The following PHF20 variants were observed in gnomAD, a reference collection of about 807,000 sequenced individuals.
PHF20 encodes glioma-expressed antigen 2.
A neutral mutation model predicts 113.5 loss-of-function variants in PHF20; 23 were observed. That is an observed-to-expected ratio of 0.20 (90% confidence interval 0.15 to 0.29). PHF20 has a LOEUF of 0.29. Ranked by LOEUF, PHF20 falls within the 10% of genes least tolerant of loss-of-function variation. The probability of loss-of-function intolerance (pLI) is 1.00; values close to 1 mark genes in which losing one functional copy is unlikely to be tolerated. For synonymous variants in PHF20, 434 were observed against 457.3 expected, an observed-to-expected ratio of 0.95 and a Z score of 0.65; for missense variants, 943 against 1,219.6, an observed-to-expected ratio of 0.77 and a Z score of 3.38.
chr20:35,827,575 G>A (rs960757059), intron 2 of PHF20, among the ~76,000 whole-genome samples: 1 of 151,982 alleles, frequency 6.6e-6, no homozygotes, highest in African/African-American at 2.4e-5. Flanking sequence ...ATGAGGTCAG[G>A]AGATCGAGAC....
chr20:35,904,313 C>T (rs1342283675), intron 10 of PHF20, among the ~76,000 whole-genome samples: 1 of 114,522 alleles, frequency 8.7e-6, no homozygotes, highest in Non-Finnish European at 1.7e-5. Flanking sequence ...GAGACAGAAT[C>T]TCACTCTGTT....
At chr20:35,908,162 C>T (rs758859732) in intron 10 of PHF20, among the ~76,000 whole-genome samples, 3 of 152,228 alleles carry the variant, frequency 2.0e-5, no homozygotes, top group Non-Finnish European at 4.4e-5. Context: ...GTGCCTGTCC[C>T]AGGCCCTGGA....
chr20:35,795,288 T>A (rs1447623100), intron 1 of PHF20, among the ~76,000 whole-genome samples: 9 of 151,604 alleles, frequency 5.9e-5, no homozygotes, highest in Non-Finnish European at 1.3e-4. Flanking sequence ...TGGGCTAGAG[T>A]GCAGTGGTGC....
chr20:35,868,985 G>A (rs942791919), intron 6 of PHF20, among the ~76,000 whole-genome samples: 3 of 151,968 alleles, frequency 2.0e-5, no homozygotes, highest in East Asian at 1.9e-4. Context: ...CACCTACTCC[G>A]GAGGCTGAGG....
chr20:35,846,505 A>T (rs1163582993), intron 3 of PHF20, among the ~76,000 whole-genome samples: 1 of 152,170 alleles, frequency 6.6e-6, no homozygotes, highest in Non-Finnish European at 1.5e-5. Flanking sequence ...TGCTGGGAAA[A>T]GAGTATAAAA....
chr20:35,811,863 C>T (rs948308230), intron 2 of PHF20, among the ~76,000 whole-genome samples: 15 of 152,186 alleles, frequency 9.9e-5, no homozygotes, highest in African/African-American at 2.6e-4. Context: ...CTCTGCCTCC[C>T]GGGTTCCCAC....
chr20:35,794,917 C>T (rs537864141), intron 1 of PHF20, among the ~76,000 whole-genome samples: 118 of 152,146 alleles, frequency 7.8e-4, no homozygotes, highest in African/African-American at 2.6e-3. Context: ...AAAATATGGG[C>T]GTGGTGGCTC....
At chr20:35,863,471 G>A in intron 6 of PHF20, 71 bp downstream of exon 6, 1 of 1,400,830 alleles carries the variant, frequency 7.1e-7, no homozygotes, top group South Asian at 1.5e-5. Context: ...GTGGTTCTTT[G>A]TAACTTGTGT....
intron 4 of PHF20, among the ~76,000 whole-genome samples, chr20:35,848,411 A>G (rs535898585): frequency 1.3e-5 from 2 of 151,854 alleles, no homozygotes; most frequent in East Asian, 1.9e-4. Flanking sequence ...GGGATTACCA[A>G]CGTGCACCAC....
chr20:35,936,004 T>C (rs1158042819), intron 15 of PHF20, among the ~76,000 whole-genome samples: 1 of 152,216 alleles, frequency 6.6e-6, no homozygotes, highest in Non-Finnish European at 1.5e-5. Context: ...TGGCTGTGCT[T>C]ACCTTCTTCA....
At position 35,799,853 on chromosome 20, in the gene PHF20, G is replaced by A. The variant is rs140200059; in HGVS notation, c.-32-1638G>A. Among the ~76,000 whole-genome samples the A allele has an allele frequency of 9.7e-3, 1,472 of 152,226 alleles. 16 individuals carry two copies. Among genetic ancestry groups the A allele is most frequent in the East Asian group, 0.04 (207 of 5,168 alleles). On this transcript the variant is annotated intron_variant, in intron 1 of 17. Transcript: ENST00000374012. The stretch of plus-strand genomic sequence containing the variant: ...CCACTAATTTTGTATTTTTAGTAGA[G>A]ATGGGGTTTCACCATGTTGGCCAGG...
chr20:35,795,322 A>G (rs1401597664), intron 1 of PHF20, among the ~76,000 whole-genome samples: 1 of 151,730 alleles, frequency 6.6e-6, no homozygotes, highest in African/African-American at 2.4e-5. Flanking sequence ...TGCAACCTTC[A>G]TCCCCTGGTT....
intron 10 of PHF20, among the ~76,000 whole-genome samples, chr20:35,899,960 C>T (rs2055064106): frequency 1.3e-5 from 2 of 152,170 alleles, no homozygotes; most frequent in Admixed American, 6.6e-5. Context: ...GTGCTCAGAG[C>T]AGCATGGGTG....
chr20:35,886,207 C>T (rs2054728623), intron 9 of PHF20, among the ~76,000 whole-genome samples: 1 of 149,304 alleles, frequency 6.7e-6, no homozygotes. Flanking sequence ...GATGAGATCT[C>T]AGCTCACTGC....
chr20:35,823,910 G>C lies in PHF20; in HGVS notation c.84-18663G>C, dbSNP rs1184009976. On this transcript the variant is annotated intron_variant, in intron 2 of 17. Coordinates refer to ENST00000374012, the MANE Select transcript of PHF20 (RefSeq NM_016436.5). Reference sequence around the variant, plus strand: ...GTATTTTTGCATGAGCAAAATAAAGGGTTGTTGCTTTTAGAACCAAGTAGT... The same window carrying C: ...GTATTTTTGCATGAGCAAAATAAAGCGTTGTTGCTTTTAGAACCAAGTAGT... Among the ~76,000 whole-genome samples the C allele has an allele frequency of 2.0e-5, 3 of 152,176 alleles. No individual in the cohort carries two copies. In the East Asian group the frequency reaches 5.8e-4, roughly 29 times the overall value.
At chr20:35,788,139 C>T (rs1600729663) in intron 1 of PHF20, among the ~76,000 whole-genome samples, 1 of 151,946 alleles carries the variant, frequency 6.6e-6, no homozygotes, top group South Asian at 2.1e-4. Context: ...CTCTGTTGCC[C>T]AGGCTGGAGT....
At chr20:35,873,930 A>G (rs915850219) in intron 9 of PHF20, among the ~76,000 whole-genome samples, 2 of 152,190 alleles carry the variant, frequency 1.3e-5, no homozygotes, top group African/African-American at 4.8e-5. Flanking sequence ...TGTCACATGA[A>G]TTATATCTGT....
intron 5 of PHF20, 33 bp from the exon 6 acceptor site, chr20:35,862,980 C>T (rs373053608): frequency 2.2e-5 from 34 of 1,525,148 alleles, no homozygotes; most frequent in Non-Finnish European, 2.7e-5. Context: ...CAAGTAATCA[C>T]GAAGTGTTTC....
At chr20:35,847,216 C>G (rs2042640059) in intron 3 of PHF20, 134 bp from the exon 4 acceptor site, 1 of 591,534 alleles carries the variant, frequency 1.7e-6, no homozygotes, top group African/African-American at 1.9e-5. Context: ...AAATATCTTC[C>G]TCCATCTCAA....
Sources: gnomAD v4.1 joint callset for allele counts (sites outside exome capture counted in the v4.1 genomes callset) on GRCh38, gnomAD v4.1.1 for gene constraint, MANE v1.5 for transcripts, NCBI Gene and HGNC (gene_info 2026-07-23, HGNC 2026-07-21) for gene names.